Variants in PTPRN2 observed in about 807,000 individuals in gnomAD.
PTPRN2 encodes receptor-type tyrosine-protein phosphatase N2.
In PTPRN2, 74 loss-of-function variants were observed where a neutral mutation model predicts 118.8. That is an observed-to-expected ratio of 0.62 (90% CI 0.52 to 0.76). PTPRN2 has a LOEUF of 0.76. Among genes scored for constraint, PTPRN2 ranks in the 30% least tolerant of loss-of-function variants. The probability of loss-of-function intolerance (pLI) is 0.00; values close to 1 mark genes in which losing one functional copy is unlikely to be tolerated. For missense variants in PTPRN2, 1,481 were observed against 1,394.4 expected, an observed-to-expected ratio of 1.06 and a Z score of -0.99; for synonymous variants, 641 against 608.0, an observed-to-expected ratio of 1.05 and a Z score of -0.80.
chr7:158,467,708 CCA>C (rs1450021793), intron 2 of PTPRN2, among the ~76,000 whole-genome samples: 1 of 152,160 alleles, frequency 6.6e-6, no homozygotes, highest in African/African-American at 2.4e-5. Flanking sequence ...GGCTCTTACC[CCA>C]GAGTCTGCTT....
intron 15 of PTPRN2, among the ~76,000 whole-genome samples, chr7:157,608,809 A>G (rs570182598): frequency 2.0e-4 from 31 of 152,160 alleles, no homozygotes; most frequent in Non-Finnish European, 2.9e-5. Context: ...GTCAAATGAA[A>G]TATCAGACCT....
At chr7:158,483,598 T>A (rs1586773859) in intron 2 of PTPRN2, among the ~76,000 whole-genome samples, 1 of 152,308 alleles carries the variant, frequency 6.6e-6, no homozygotes, top group Admixed American at 6.5e-5. Flanking sequence ...TTGTTCTGCT[T>A]TGTGCCCAGA....
At chr7:158,419,620 C>T (rs1815084019) in intron 2 of PTPRN2, among the ~76,000 whole-genome samples, 1 of 152,112 alleles carries the variant, frequency 6.6e-6, no homozygotes, top group South Asian at 2.1e-4. Flanking sequence ...CCAGGAGCCT[C>T]ACCACGCAGC....
intron 1 of PTPRN2, among the ~76,000 whole-genome samples, chr7:158,537,006 A>G (rs1273456711): frequency 6.6e-6 from 1 of 152,180 alleles, no homozygotes; most frequent in Non-Finnish European, 1.5e-5. Flanking sequence ...CTGGGCCATC[A>G]GGGTGGAGCC....
chr7:158,342,158 C>CT (rs1290632069), intron 2 of PTPRN2, among the ~76,000 whole-genome samples: 5 of 149,426 alleles, frequency 3.3e-5, no homozygotes, highest in African/African-American at 5.0e-5. Context: ...GTCACTCACA[C>CT]CCACACTCTC....
intron 12 of PTPRN2, among the ~76,000 whole-genome samples, chr7:157,722,997 G>A (rs973751461): frequency 3.3e-5 from 5 of 152,362 alleles, no homozygotes; most frequent in African/African-American, 9.6e-5. Context: ...CAACTGCAGA[G>A]TTTCGTTACC....
intron 5 of PTPRN2, among the ~76,000 whole-genome samples, chr7:158,181,949 C>T (rs767288386): frequency 1.8e-4 from 28 of 151,828 alleles, no homozygotes; most frequent in Non-Finnish European, 3.4e-4. Context: ...TTTCTTCTTC[C>T]AGCTTTGGGT....
chr7:157,694,335 G>A (rs549177881), intron 12 of PTPRN2, among the ~76,000 whole-genome samples: 115 of 152,282 alleles, frequency 7.6e-4, no homozygotes, highest in African/African-American at 2.6e-3. Context: ...CCTCGTCCAC[G>A]CCTTGGTGCA....
At chr7:157,658,341 G>T (rs555464332) in intron 13 of PTPRN2, among the ~76,000 whole-genome samples, 1 of 152,278 alleles carries the variant, frequency 6.6e-6, no homozygotes. Context: ...GGAGCCGTGC[G>T]GGAGACAGAA....
chr7:158,411,879 G>A (rs1019337557), intron 2 of PTPRN2, among the ~76,000 whole-genome samples: 1 of 152,136 alleles, frequency 6.6e-6, no homozygotes, highest in Non-Finnish European at 1.5e-5. Flanking sequence ...CCGTGAGGGT[G>A]AAATGAGGCT....
At chr7:157,914,703 A>G (rs1798298809) in intron 11 of PTPRN2, among the ~76,000 whole-genome samples, 1 of 152,058 alleles carries the variant, frequency 6.6e-6, no homozygotes, top group African/African-American at 2.4e-5. Flanking sequence ...ACACTTATGA[A>G]TCGTGTGTAA....
intron 22 of PTPRN2, among the ~76,000 whole-genome samples, chr7:157,547,571 C>A (rs1226818562): frequency 2.6e-5 from 4 of 152,112 alleles, no homozygotes; most frequent in African/African-American, 4.8e-5. Context: ...CCTCTCTCGA[C>A]AGCCTCGCAA....
rs750464768 is a variant in PTPRN2, at chr7:158,525,059, T to G, written c.113-35274A>C. On this transcript the variant is annotated intron_variant, in intron 1 of 22. Transcript: ENST00000389418. The surrounding 1 kb of genome is among the most constrained non-coding windows in gnomAD (Gnocchi z 4.1). ...TCCGAAAAGACAGCCCTTGGAAGAC[T>G]GTGGCTCAGGATGCAAGGCTCTGAC... Among the ~76,000 whole-genome samples the G allele has an allele frequency of 4.6e-5, 7 of 152,184 alleles. 1 individual carries two copies. The South Asian group carries it at 1.0e-3, about 23-fold the overall frequency.
intron 11 of PTPRN2, among the ~76,000 whole-genome samples, chr7:157,951,123 G>A (rs1416208353): frequency 6.6e-6 from 1 of 152,018 alleles, no homozygotes; most frequent in Non-Finnish European, 1.5e-5. Context: ...ACCCTCCCAT[G>A]CCCCAGGTGC....
intron 6 of PTPRN2, among the ~76,000 whole-genome samples, chr7:158,140,682 C>A (rs1819287554): frequency 6.6e-6 from 1 of 152,228 alleles, no homozygotes; most frequent in Non-Finnish European, 1.5e-5. Flanking sequence ...GCAGGTGGGG[C>A]TGGGGCAGGA....
In PTPRN2 at chr7:158,532,800, G is replaced by A. The variant is rs202194191; in HGVS notation, c.113-43015C>T. On this transcript the variant is annotated intron_variant, in intron 1 of 22. Transcript: ENST00000389418. ...CATTGAGCGTGCTGGTGTTAAATGC[G>A]TGCAGGCTTCCGTGCAGGAGCCCTC... 1,276 of 534,662 alleles carry A rather than the reference G, an allele frequency of 2.4e-3. 2 individuals are homozygous for A. Among genetic ancestry groups the A allele is most frequent in the Non-Finnish European group, 4.0e-3 (1,046 of 260,076 alleles). 33.1% of individuals were successfully genotyped at this position (534,662 alleles called of 1,614,324 possible).
chr7:158,331,614 T>A lies in PTPRN2; in HGVS notation c.164-14682A>T, dbSNP rs1430921189. 4.1e-5 allele frequency among the ~76,000 whole-genome samples: 3 copies of A among 73,362 alleles called. 1 individual carries two copies. The highest frequency in any genetic ancestry group is 8.8e-4 in the South Asian group (2 of 2,282). 48.1% of individuals were successfully genotyped at this position (73,362 alleles called of 152,430 possible). A position where few individuals can be genotyped will look rare whatever the true frequency, so the allele number is the denominator to read the frequency against. ...AGAGCTGAGGACCACAGAGGTCACTTACAGCCATACTCTCACCATAAGAGG... is the reference window on the plus strand; with the variant it reads ...AGAGCTGAGGACCACAGAGGTCACTAACAGCCATACTCTCACCATAAGAGG... On this transcript the variant is annotated intron_variant, in intron 2 of 22. Coordinates refer to ENST00000389418, the MANE Select transcript of PTPRN2 (RefSeq NM_002847.5).
At chr7:157,786,448 G>A (rs1563107198) in intron 12 of PTPRN2, among the ~76,000 whole-genome samples, 1 of 152,188 alleles carries the variant, frequency 6.6e-6, no homozygotes, top group Admixed American at 6.5e-5. Flanking sequence ...TGTGATCTTC[G>A]TCCCATTCAC....
At chr7:158,467,965 A>G (rs1670359) in intron 2 of PTPRN2, among the ~76,000 whole-genome samples, 104,993 of 152,064 alleles carry the variant, frequency 0.69, 36,500 homozygotes, top group Admixed American at 0.78. Context: ...GCTACTTTAC[A>G]GTAGCTAGTC....
Sources: gnomAD v4.1 joint callset for allele counts (sites outside exome capture counted in the v4.1 genomes callset) on GRCh38, gnomAD v4.1.1 for gene constraint, Gnocchi (gnomAD v3.1) non-coding constraint, MANE v1.5 for transcripts, NCBI Gene and HGNC (gene_info 2026-07-23, HGNC 2026-07-21) for gene names.